Variants in SEPTIN14 observed in about 807,000 individuals in gnomAD.
SEPTIN14 encodes the protein septin-14.
SEPTIN14 carries 40 observed loss-of-function variants against 53.6 expected under a neutral mutation model. The observed-to-expected ratio is 0.75, with a 90% CI of 0.58 to 0.97. The LOEUF (loss-of-function observed/expected upper bound fraction) is 0.97. SEPTIN14 is among the 50% of genes least tolerant of loss of function. The pLI is 0.00. For synonymous variants in SEPTIN14, 138 were observed against 166.8 expected, an observed-to-expected ratio of 0.83 and a Z score of 1.33; for missense variants, 471 against 508.2, an observed-to-expected ratio of 0.93 and a Z score of 0.70.
At chr7:55,834,668 A>G (rs1789171824) in intron 5 of SEPTIN14, 82 bp from the exon 6 acceptor site, 1 of 1,186,430 alleles carries the variant, frequency 8.4e-7, no homozygotes, top group Admixed American at 2.3e-5. Context: ...TTTGAGACGG[A>G]GTCTCGCTTT....
At position 55,794,050 on chromosome 7, in the gene SEPTIN14, T is replaced by C. The variant is rs181100578; in HGVS notation, c.*1863A>G. On this transcript the variant is annotated 3_prime_UTR_variant, in exon 10 of 10. Coordinates refer to ENST00000388975, the MANE Select transcript of SEPTIN14 (RefSeq NM_207366.3). ...CACTAATTTTTTTTAGAAAAAATTA[T>C]GGAAAATAAAAATATGCCTTATAGT... 3 of 152,168 alleles carry C rather than the reference T, an allele frequency of 2.0e-5. No individual in the cohort carries two copies. Among genetic ancestry groups the C allele is most frequent in the East Asian group, 3.9e-4 (2 of 5,184 alleles). 9.4% of individuals were successfully genotyped at this position (152,168 alleles called of 1,614,324 possible).
rs566133821 is a variant in SEPTIN14, at chr7:55,814,248, G to C, written c.817+4879C>G. 8.1e-4 allele frequency among the ~76,000 whole-genome samples: 124 copies of C among 152,184 alleles called. 1 individual carries two copies. Among genetic ancestry groups the C allele is most frequent in the Non-Finnish European group, 1.4e-3 (92 of 68,018 alleles). ...AATAGAATAGGCACAATTGAGCCCAGACTGCAAAGATTACAATAAATATCT... is the reference window on the plus strand; with the variant it reads ...AATAGAATAGGCACAATTGAGCCCACACTGCAAAGATTACAATAAATATCT... On this transcript the variant is annotated intron_variant, in intron 7 of 9. Coordinates refer to ENST00000388975, the MANE Select transcript of SEPTIN14 (RefSeq NM_207366.3).
At chr7:55,847,242 G>C (rs1436767596) in intron 2 of SEPTIN14, among the ~76,000 whole-genome samples, 1 of 151,638 alleles carries the variant, frequency 6.6e-6, no homozygotes, top group Non-Finnish European at 1.5e-5. Context: ...AGGGAATTAA[G>C]GAAATACTAC....
At chr7:55,830,321 G>GTATATATATATATATATATATA (rs746498199) in intron 6 of SEPTIN14, among the ~76,000 whole-genome samples, 3 of 84,714 alleles carry the variant, frequency 3.5e-5, no homozygotes, top group African/African-American at 1.6e-4. Context: ...TTATCCAACT[G>GTATATATATATATATATATATA]TATATATATA....
intron 6 of SEPTIN14, among the ~76,000 whole-genome samples, chr7:55,833,964 G>A (rs1015848799): frequency 3.3e-5 from 5 of 151,916 alleles, no homozygotes; most frequent in African/African-American, 1.2e-4. Flanking sequence ...GAAATTACTA[G>A]AAACATATAA....
chr7:55,830,536 G>A (rs951073915), intron 6 of SEPTIN14, among the ~76,000 whole-genome samples: 1 of 150,340 alleles, frequency 6.7e-6, no homozygotes, highest in Non-Finnish European at 1.5e-5. Flanking sequence ...GTACAGAAGG[G>A]GTTTCATGGT....
At chr7:55,828,926 T>C (rs1789038104) in intron 6 of SEPTIN14, among the ~76,000 whole-genome samples, 1 of 152,134 alleles carries the variant, frequency 6.6e-6, no homozygotes, top group African/African-American at 2.4e-5. Flanking sequence ...CTTTTTACCT[T>C]TTCCTCTTCT....
intron 5 of SEPTIN14, among the ~76,000 whole-genome samples, chr7:55,837,817 A>T (rs1789237109): frequency 1.3e-5 from 2 of 152,210 alleles, no homozygotes. Context: ...TCCTGACCTC[A>T]GGTGATCTAC....
At chr7:55,801,390 T>C (rs1369136911) in intron 9 of SEPTIN14, among the ~76,000 whole-genome samples, 1 of 152,044 alleles carries the variant, frequency 6.6e-6, no homozygotes, top group African/African-American at 2.4e-5. Flanking sequence ...CAAATGATCA[T>C]GAGACTACTA....
chr7:55,814,749 A>G (rs7788089), intron 7 of SEPTIN14, among the ~76,000 whole-genome samples: 33,525 of 152,188 alleles, frequency 0.22, 4,298 homozygotes, highest in Middle Eastern at 0.31. Flanking sequence ...TAAAGATTCA[A>G]TGCGATCCCT....
rs189603118 is a variant in SEPTIN14 at position 55,810,114 on chromosome 7, G to A, written c.818-2856C>T. The stretch of plus-strand genomic sequence containing the variant: ...CCCAAAGTGCTGGGATTACAGGTGT[G>A]AGCCACTGCGCCCGGCCTGTCTTTT... On this transcript the variant is annotated intron_variant, in intron 7 of 9. Transcript: ENST00000388975. Among the ~76,000 whole-genome samples, 492 of 152,202 alleles carry A rather than the reference G, an allele frequency of 3.2e-3. 9 individuals carry two copies. The highest frequency in any genetic ancestry group is 0.031 in the Middle Eastern group (9 of 294).
At chr7:55,805,416 T>C (rs777832677) in intron 8 of SEPTIN14, 26 bp from the exon 9 acceptor site, 65 of 1,508,608 alleles carry the variant, frequency 4.3e-5, no homozygotes, top group Non-Finnish European at 5.7e-5. Flanking sequence ...TTCTTAGTCT[T>C]ATATTAAAAT....
chr7:55,846,707 T>G (rs1789423154), intron 2 of SEPTIN14, 70 bp from the exon 3 acceptor site: 2 of 764,350 alleles, frequency 2.6e-6, no homozygotes, highest in Admixed American at 5.7e-5. Context: ...GGAAAATGAT[T>G]ATAGTACATC....
intron 8 of SEPTIN14, among the ~76,000 whole-genome samples, chr7:55,806,828 G>T (rs1308350733): frequency 6.6e-6 from 1 of 151,930 alleles, no homozygotes; most frequent in African/African-American, 2.4e-5. Flanking sequence ...AAAATACTGG[G>T]TTTTTTCATC....
intron 5 of SEPTIN14, among the ~76,000 whole-genome samples, chr7:55,837,263 G>A (rs4948080): frequency 0.77 from 116,451 of 151,756 alleles, 45,498 homozygotes; most frequent in East Asian, 0.96. Flanking sequence ...CTACAGGCAC[G>A]TGCTGCCATG....
intron 8 of SEPTIN14, 27 bp downstream of exon 8, chr7:55,807,063 G>A (rs747347836): frequency 1.0e-5 from 16 of 1,526,704 alleles, no homozygotes; most frequent in African/African-American, 1.4e-5. Flanking sequence ...TTATCCATTT[G>A]GTTGTGCTAG....
chr7:55,808,458 ATGT>A (rs1788643459), intron 7 of SEPTIN14, among the ~76,000 whole-genome samples: 1 of 152,164 alleles, frequency 6.6e-6, no homozygotes, highest in Middle Eastern at 3.2e-3. Context: ...CCCACCAATG[ATGT>A]TTAAGAATTC....
At chr7:55,800,163 T>A (rs1057000921) in intron 9 of SEPTIN14, among the ~76,000 whole-genome samples, 2 of 151,794 alleles carry the variant, frequency 1.3e-5, no homozygotes, top group Non-Finnish European at 2.9e-5. Context: ...TGAAAAAAAA[T>A]GTCACATATA....
chr7:55,837,959 T>TA (rs1205823348), intron 5 of SEPTIN14, among the ~76,000 whole-genome samples: 3 of 152,158 alleles, frequency 2.0e-5, no homozygotes, highest in Admixed American at 1.3e-4. Flanking sequence ...ATAAAGCAAA[T>TA]ATTCAAAAGC....
Sources: gnomAD v4.1 joint callset for allele counts (sites outside exome capture counted in the v4.1 genomes callset) on GRCh38, gnomAD v4.1.1 for gene constraint, MANE v1.5 for transcripts, NCBI Gene and HGNC (gene_info 2026-07-23, HGNC 2026-07-21) for gene names.